The following ZDHHC18 variants were observed in gnomAD, a reference collection of about 807,000 sequenced individuals.
ZDHHC18 encodes zDHHC palmitoyltransferase 18.
In ZDHHC18, 23 loss-of-function variants were observed where a neutral mutation model predicts 37.5. The observed-to-expected ratio is 0.61, with a 90% CI of 0.44 to 0.87. ZDHHC18 has a LOEUF of 0.87. ZDHHC18 is among the 40% of genes least tolerant of loss of function. ZDHHC18 has a pLI of 0.00. For synonymous variants in ZDHHC18, 185 were observed against 218.7 expected, an observed-to-expected ratio of 0.85 and a Z score of 1.36; for missense variants, 406 against 525.6, an observed-to-expected ratio of 0.77 and a Z score of 2.22.
rs1338337220 is a variant in ZDHHC18 at position 26,855,911 on chromosome 1, G to A, written c.*2068G>A. 6.0e-5 allele frequency: 14 copies of A among 234,198 alleles called. No homozygotes were observed. Among genetic ancestry groups the A allele is most frequent in the South Asian group, 5.2e-4 (12 of 23,046 alleles). The allele number at this position is 234,198 out of a possible 1,614,324, so 14.5% of individuals were successfully genotyped here. A position where few individuals can be genotyped will look rare whatever the true frequency, so the allele number is the denominator to read the frequency against. ...CTGGAGGAAGAGCAGAGAGGGCTGCGGCTGAGCCCCCATGGGCACGTGAAA... is the reference window on the plus strand; with the variant it reads ...CTGGAGGAAGAGCAGAGAGGGCTGCAGCTGAGCCCCCATGGGCACGTGAAA... On this transcript the variant is annotated 3_prime_UTR_variant, in exon 8 of 8. Coordinates refer to ENST00000374142, the MANE Select transcript of ZDHHC18 (RefSeq NM_032283.3).
intron 2 of ZDHHC18, 57 bp from the exon 3 acceptor site, chr1:26,848,551 G>T: frequency 1.3e-6 from 2 of 1,579,898 alleles, no homozygotes; most frequent in Non-Finnish European, 1.7e-6. Flanking sequence ...CCCTGCTGGG[G>T]ATCCGGGCCC....
chr1:26,849,941 A>G (rs1041634150), intron 3 of ZDHHC18, among the ~76,000 whole-genome samples: 9 of 152,212 alleles, frequency 5.9e-5, no homozygotes, highest in African/African-American at 2.2e-4. Context: ...CAATCCAGTT[A>G]TTATAAATAA....
At chr1:26,832,835 G>C (rs1030334382) in intron 2 of ZDHHC18, among the ~76,000 whole-genome samples, 2 of 152,266 alleles carry the variant, frequency 1.3e-5, no homozygotes, top group Non-Finnish European at 2.9e-5. Flanking sequence ...ATGGCAGCCA[G>C]CGTGGAGCTG....
At chr1:26,844,639 A>G (rs1180786397) in intron 2 of ZDHHC18, among the ~76,000 whole-genome samples, 1 of 152,220 alleles carries the variant, frequency 6.6e-6, no homozygotes, top group Non-Finnish European at 1.5e-5. Context: ...CAGTTGTCCA[A>G]AGCGGTCATA....
chr1:26,850,542 G>GT lies in ZDHHC18; in HGVS notation c.785-13dup. 6.2e-7 allele frequency: 1 copy of GT among 1,614,172 alleles called. No individual in the cohort carries two copies. The highest frequency in any genetic ancestry group is 8.5e-7 in the Non-Finnish European group (1 of 1,180,022). On this transcript the variant is annotated splice_polypyrimidine_tract_variant and intron_variant, in intron 4 of 7. Coordinates refer to ENST00000374142, the MANE Select transcript of ZDHHC18 (RefSeq NM_032283.3). The surrounding 1 kb of genome is among the most constrained non-coding windows in gnomAD (Gnocchi z 6.1). ...TGTCCCTCTGAGCTTGTCCTCTCCT[G>GT]TTTCTTTCTCCCCAGGCGCTCAGGG...
At chr1:26,846,479 A>G (rs994168509) in intron 2 of ZDHHC18, among the ~76,000 whole-genome samples, 10 of 150,546 alleles carry the variant, frequency 6.6e-5, no homozygotes, top group Admixed American at 6.6e-4. Context: ...GGCGCCCGCC[A>G]CCATGCCCGG....
chr1:26,846,241 G>T (rs11581724), intron 2 of ZDHHC18, among the ~76,000 whole-genome samples: 21 of 19,560 alleles, frequency 1.1e-3, no homozygotes, highest in African/African-American at 3.5e-3. Context: ...TAGAGAGAGA[G>T]ATATATAGAT....
At chr1:26,847,842 C>T (rs1217218036) in intron 2 of ZDHHC18, among the ~76,000 whole-genome samples, 3 of 152,044 alleles carry the variant, frequency 2.0e-5, no homozygotes, top group African/African-American at 4.8e-5. Flanking sequence ...CTACTGCACC[C>T]GACCTCCTCT....
At chr1:26,842,342 A>T (rs1164753634) in intron 2 of ZDHHC18, among the ~76,000 whole-genome samples, 1 of 152,180 alleles carries the variant, frequency 6.6e-6, no homozygotes, top group African/African-American at 2.4e-5. Context: ...ACATATATTG[A>T]TTCATTTAAC....
Position 26,850,174 on chromosome 1 carries a change from C to A in ZDHHC18, c.647-127C>A. The A allele has an allele frequency of 1.6e-6, 2 of 1,254,944 alleles. No homozygotes were observed. Among genetic ancestry groups the A allele is most frequent in the Non-Finnish European group, 2.2e-6 (2 of 904,162 alleles). The allele number at this position is 1,254,944 out of a possible 1,614,324, so 77.7% of individuals were successfully genotyped here. A position where few individuals can be genotyped will look rare whatever the true frequency, so the allele number is the denominator to read the frequency against. ...GACCAGAGGCAGGTGTGTCCAAGGCCTGGGAGCCAGCTGGTGCTGCGAGAG... is the reference window on the plus strand; with the variant it reads ...GACCAGAGGCAGGTGTGTCCAAGGCATGGGAGCCAGCTGGTGCTGCGAGAG... On this transcript the variant is annotated intron_variant, in intron 3 of 7. Coordinates refer to ENST00000374142, the MANE Select transcript of ZDHHC18 (RefSeq NM_032283.3). The surrounding 1 kb of genome is among the most constrained non-coding windows in gnomAD (Gnocchi z 6.1).
In ZDHHC18 at chr1:26,832,431, C is replaced by G. The variant is rs1180398084; in HGVS notation, c.336-16C>G. 1.9e-6 allele frequency: 3 copies of G among 1,613,746 alleles called. No individual in the cohort carries two copies. The highest frequency in any genetic ancestry group is 2.5e-6 in the Non-Finnish European group (3 of 1,179,846). On this transcript the variant is annotated splice_polypyrimidine_tract_variant and intron_variant, in intron 1 of 7. Coordinates refer to ENST00000374142, the MANE Select transcript of ZDHHC18 (RefSeq NM_032283.3). Reference sequence around the variant, plus strand: ...CCTTGGGGTGTCTGCTGATCTCTCTCCATCTCTCGTTCTAGCTGTCCCTAC... The same window carrying G: ...CCTTGGGGTGTCTGCTGATCTCTCTGCATCTCTCGTTCTAGCTGTCCCTAC...
At position 26,850,220 on chromosome 1, in the gene ZDHHC18, C is replaced by G; in HGVS notation, c.647-81C>G. The G allele has an allele frequency of 1.3e-6, 2 of 1,543,726 alleles. No individual in the cohort carries two copies. The highest frequency in any genetic ancestry group is 3.9e-5 in the Admixed American group (2 of 51,528). On this transcript the variant is annotated intron_variant, in intron 3 of 7. Transcript: ENST00000374142. The surrounding 1 kb of genome is among the most constrained non-coding windows in gnomAD (Gnocchi z 6.1). ...GAGAGTGAACGGGGTAGGAAAGCCC[C>G]AGCCATGGGTGAGGCCGCCAAATGC...
intron 2 of ZDHHC18, among the ~76,000 whole-genome samples, chr1:26,837,180 G>A (rs1281212924): frequency 6.8e-6 from 1 of 147,948 alleles, no homozygotes; most frequent in Non-Finnish European, 1.5e-5. Flanking sequence ...GTGAACCTGG[G>A]AGGCGGAGCT....
At chr1:26,834,091 GGGA>G (rs1439877287) in intron 2 of ZDHHC18, among the ~76,000 whole-genome samples, 1 of 152,148 alleles carries the variant, frequency 6.6e-6, no homozygotes, top group African/African-American at 2.4e-5. Flanking sequence ...CTGGCAGCTG[GGGA>G]GGCCCAGCTG....
rs1450709839 is a variant in ZDHHC18 at position 26,856,429 on chromosome 1, G to C, written c.*2586G>C. The C allele has an allele frequency of 3.5e-6, 1 of 284,412 alleles. No homozygotes were observed. Among genetic ancestry groups the C allele is most frequent in the Non-Finnish European group, 7.7e-6 (1 of 129,850 alleles). 17.6% of individuals were successfully genotyped at this position (284,412 alleles called of 1,614,324 possible). On this transcript the variant is annotated 3_prime_UTR_variant, in exon 8 of 8. Transcript: ENST00000374142. This position sits in a 1 kb window ranked among gnomAD's most constrained non-coding sequence, Gnocchi z 5.2. ...GTCTCCAGGGACTCCCCGCTAAGCA[G>C]AAGGATCGGGATATAGGGCAAGGCT...
Position 26,856,900 on chromosome 1 carries a change from G to A in ZDHHC18, c.*3057G>A. ...AGGACCGCTGCTCTCTGCCTCTCCA[G>A]GAATGGCCTGGGGGGAGCCAGGCAC... On this transcript the variant is annotated 3_prime_UTR_variant, in exon 8 of 8. Transcript: ENST00000374142. This position sits in a 1 kb window ranked among gnomAD's most constrained non-coding sequence, Gnocchi z 5.2. The A allele has an allele frequency of 6.5e-6, 1 of 153,122 alleles. No individual in the cohort carries two copies. Among genetic ancestry groups the A allele is most frequent in the Non-Finnish European group, 1.5e-5 (1 of 68,688 alleles). The allele number at this position is 153,122 out of a possible 1,614,324, so 9.5% of individuals were successfully genotyped here. A position where few individuals can be genotyped will look rare whatever the true frequency, so the allele number is the denominator to read the frequency against.
Position 26,837,232 on chromosome 1 carries a change from G to A in ZDHHC18, c.496+4625G>A, listed in dbSNP as rs1411649250. Among the ~76,000 whole-genome samples, 9 of 144,050 alleles carry A rather than the reference G, an allele frequency of 6.2e-5. No homozygotes were observed. The South Asian group carries it at 8.8e-4, about 14-fold the overall frequency. 94.5% of individuals were successfully genotyped at this position (144,050 alleles called of 152,430 possible). On this transcript the variant is annotated intron_variant, in intron 2 of 7. Transcript: ENST00000374142. The stretch of plus-strand genomic sequence containing the variant: ...GGCGCCACTGCACTCCAGCCTGGGC[G>A]ACAGAGTGAGACTCTGTCTCAAAAA...
chr1:26,836,376 C>G (rs902534945), intron 2 of ZDHHC18, among the ~76,000 whole-genome samples: 9 of 151,992 alleles, frequency 5.9e-5, no homozygotes, highest in African/African-American at 2.2e-4. Flanking sequence ...CCTGACTGGG[C>G]CTTTCCCTTC....
rs756890182 is a variant in ZDHHC18, at chr1:26,850,439, G to A, written c.784+1G>A. ...TGTGTGGTCACCCACCTGACGTTGC[G>A]TGAGTTGTGGGTGAGGGCAGTGGGG... On this transcript the variant is annotated splice_donor_variant, in intron 4 of 7. Transcript: ENST00000374142. LOFTEE classifies it high-confidence loss of function. This position sits in a 1 kb window ranked among gnomAD's most constrained non-coding sequence, Gnocchi z 6.1. 34 of 1,613,804 alleles carry A rather than the reference G, an allele frequency of 2.1e-5. 1 individual carries two copies. The South Asian group carries it at 3.0e-4, about 14-fold the overall frequency.
Sources: gnomAD v4.1 joint callset for allele counts (sites outside exome capture counted in the v4.1 genomes callset) on GRCh38, gnomAD v4.1.1 for gene constraint, Gnocchi (gnomAD v3.1) non-coding constraint, MANE v1.5 for transcripts, NCBI Gene and HGNC (gene_info 2026-07-23, HGNC 2026-07-21) for gene names.